Variants in PIK3CB observed in about 807,000 individuals in gnomAD.
PIK3CB encodes the protein phosphatidylinositol-4,5-bisphosphate 3-kinase catalytic subunit beta, also known as phosphatidylinositol 4,5-bisphosphate 3-kinase catalytic subunit beta isoform.
A neutral mutation model predicts 136.8 loss-of-function variants in PIK3CB; 39 were observed. That is an observed-to-expected ratio of 0.29 (90% CI 0.22 to 0.37). The LOEUF is 0.37. Among genes scored for constraint, PIK3CB ranks in the 10% least tolerant of loss-of-function variants. The probability of loss-of-function intolerance (pLI) is 1.00; values close to 1 mark genes in which losing one functional copy is unlikely to be tolerated. For missense variants in PIK3CB, 868 were observed against 1,275.4 expected, an observed-to-expected ratio of 0.68 and a Z score of 4.87; for synonymous variants, 428 against 436.6, an observed-to-expected ratio of 0.98 and a Z score of 0.25.
intron 1 of PIK3CB, among the ~76,000 whole-genome samples, chr3:138,833,876 A>C (rs1934153983): frequency 6.6e-6 from 1 of 152,216 alleles, no homozygotes; most frequent in South Asian, 2.1e-4. Flanking sequence ...ATTCCCACTC[A>C]GTACCTGAGA....
At chr3:138,785,931 A>G (rs1301961754) in intron 2 of PIK3CB, among the ~76,000 whole-genome samples, 1 of 152,194 alleles carries the variant, frequency 6.6e-6, no homozygotes, top group Non-Finnish European at 1.5e-5. Flanking sequence ...ATCCTAATGT[A>G]CATTAATAGA....
chr3:138,776,995 T>C (rs375165028), intron 2 of PIK3CB, among the ~76,000 whole-genome samples: 1 of 151,618 alleles, frequency 6.6e-6, no homozygotes, highest in African/African-American at 2.4e-5. Context: ...AAAATTGTGA[T>C]TACACGATCA....
At position 138,785,144 on chromosome 3, in the gene PIK3CB, T is replaced by TG. The variant is rs1247643008; in HGVS notation, c.-17+11318dup. On this transcript the variant is annotated intron_variant, in intron 2 of 23. Coordinates refer to ENST00000674063, the MANE Select transcript of PIK3CB (RefSeq NM_006219.3). Reference sequence around the variant, plus strand: ...CCAGCCGCCCCGTCCGGGAGGGAGATGGGGGGCAGCCCCCGCCCGGTCAGC... The same window carrying TG: ...CCAGCCGCCCCGTCCGGGAGGGAGATGGGGGGGCAGCCCCCGCCCGGTCAGC... Among the ~76,000 whole-genome samples, 7 of 146,828 alleles carry TG rather than the reference T, an allele frequency of 4.8e-5. No individual in the cohort carries two copies. The South Asian group carries it at 6.6e-4, about 14-fold the overall frequency.
At chr3:138,711,620 A>G (rs2044502402) in intron 10 of PIK3CB, among the ~76,000 whole-genome samples, 1 of 148,402 alleles carries the variant, frequency 6.7e-6, no homozygotes, top group Admixed American at 6.7e-5. Flanking sequence ...AGTCTATTTC[A>G]TTCCTAAATA....
intron 21 of PIK3CB, among the ~76,000 whole-genome samples, chr3:138,662,682 G>A (rs1438098428): frequency 8.6e-5 from 13 of 150,848 alleles, no homozygotes; most frequent in African/African-American, 1.7e-4. Flanking sequence ...CTGAGGAATC[G>A]CCACACTGAC....
chr3:138,655,209 G>A lies in PIK3CB; in HGVS notation c.*180C>T. ...GTCTTGGAAGCATTCAAAAAGCAGAGGGAATCATCGGGGATTGTTCAGATT... is the reference window on the plus strand; with the variant it reads ...GTCTTGGAAGCATTCAAAAAGCAGAAGGAATCATCGGGGATTGTTCAGATT... On this transcript the variant is annotated 3_prime_UTR_variant, in exon 24 of 24. Transcript: ENST00000674063. 1 of 595,990 alleles carries A rather than the reference G, an allele frequency of 1.7e-6. No homozygotes were observed. The highest frequency in any genetic ancestry group is 3.1e-5 in the Admixed American group (1 of 32,256). 36.9% of individuals were successfully genotyped at this position (595,990 alleles called of 1,614,324 possible).
At chr3:138,771,921 CAAAAAAAAA>C (rs60381827) in intron 2 of PIK3CB, among the ~76,000 whole-genome samples, 1 of 114,584 alleles carries the variant, frequency 8.7e-6, no homozygotes, top group African/African-American at 3.3e-5. Context: ...GACTCAGTCT[CAAAAAAAAA>C]AAAAAAAAAA....
intron 8 of PIK3CB, among the ~76,000 whole-genome samples, chr3:138,728,068 T>A (rs2044880025): frequency 6.6e-6 from 1 of 152,114 alleles, no homozygotes; most frequent in Admixed American, 6.6e-5. Flanking sequence ...CGCCTCGGCC[T>A]CCCAAAGTTC....
intron 1 of PIK3CB, among the ~76,000 whole-genome samples, chr3:138,822,495 C>T (rs1214819499): frequency 1.3e-5 from 2 of 151,948 alleles, no homozygotes; most frequent in Non-Finnish European, 2.9e-5. Flanking sequence ...AAGTTCACGA[C>T]ACTGTACTCC....
chr3:138,662,973 CA>C (rs1340187615), intron 21 of PIK3CB, among the ~76,000 whole-genome samples: 1 of 152,164 alleles, frequency 6.6e-6, no homozygotes, highest in African/African-American at 2.4e-5. Flanking sequence ...AAAACTTAGG[CA>C]TTACCATTCA....
At chr3:138,729,787 T>C (rs2044930162) in intron 8 of PIK3CB, among the ~76,000 whole-genome samples, 1 of 152,174 alleles carries the variant, frequency 6.6e-6, no homozygotes. Context: ...CAATTTCTTA[T>C]AATAAATCTT....
intron 4 of PIK3CB, among the ~76,000 whole-genome samples, chr3:138,754,297 G>A (rs991146285): frequency 2.0e-5 from 3 of 151,988 alleles, no homozygotes; most frequent in African/African-American, 7.3e-5. Flanking sequence ...AGCCAGGCAT[G>A]GTGGCTTGCA....
chr3:138,753,769 G>A (rs1341774668), intron 4 of PIK3CB, among the ~76,000 whole-genome samples: 2 of 152,006 alleles, frequency 1.3e-5, no homozygotes, highest in African/African-American at 4.8e-5. Context: ...TCGCACCACT[G>A]CACTCCAGCC....
In PIK3CB at chr3:138,766,434, T is replaced by A. The variant is rs529688175; in HGVS notation, c.-16-7075A>T. Among the ~76,000 whole-genome samples the A allele has an allele frequency of 5.3e-5, 8 of 152,332 alleles. No individual in the cohort carries two copies. The South Asian group carries it at 1.2e-3, about 24-fold the overall frequency. On this transcript the variant is annotated intron_variant, in intron 2 of 23. Coordinates refer to ENST00000674063, the MANE Select transcript of PIK3CB (RefSeq NM_006219.3). ...ATTTCACATTTTAAATGTCTTAAAA[T>A]TTTTTTAATGGCAAAATACACTGCA...
At chr3:138,736,516 A>G (rs1436130520) in intron 6 of PIK3CB, among the ~76,000 whole-genome samples, 1 of 152,230 alleles carries the variant, frequency 6.6e-6, no homozygotes, top group Non-Finnish European at 1.5e-5. Context: ...GGCACTTATA[A>G]TAATATTCCT....
At chr3:138,732,174 T>A (rs375966434) in intron 8 of PIK3CB, among the ~76,000 whole-genome samples, 2 of 152,174 alleles carry the variant, frequency 1.3e-5, no homozygotes, top group African/African-American at 4.8e-5. Context: ...ACTTTTCTTT[T>A]CTGAGGAGCG....
intron 1 of PIK3CB, among the ~76,000 whole-genome samples, chr3:138,826,811 G>A (rs539696720): frequency 6.6e-6 from 1 of 152,160 alleles, no homozygotes; most frequent in Non-Finnish European, 1.5e-5. Context: ...GCTTATGCCT[G>A]TAATCCCAGC....
chr3:138,732,133 C>A (rs1037440947), intron 8 of PIK3CB, among the ~76,000 whole-genome samples: 1 of 152,170 alleles, frequency 6.6e-6, no homozygotes, highest in African/African-American at 2.4e-5. Flanking sequence ...GCTACACAGT[C>A]AAGTAAATCA....
Position 138,653,166 on chromosome 3 carries a change from A to G in PIK3CB, c.*2223T>C, listed in dbSNP as rs949781776. 1.1e-5 allele frequency: 2 copies of G among 181,516 alleles called. No individual in the cohort carries two copies. Among genetic ancestry groups the G allele is most frequent in the African/African-American group, 4.7e-5 (2 of 42,482 alleles). 11.2% of individuals were successfully genotyped at this position (181,516 alleles called of 1,614,324 possible). A position where few individuals can be genotyped will look rare whatever the true frequency, so the allele number is the denominator to read the frequency against. ...ATTCTGGAGATGTCAATTTGTCTCA[A>G]CCTTGTCTATAGCTTAATGCAATTT... On this transcript the variant is annotated 3_prime_UTR_variant, in exon 24 of 24. Transcript: ENST00000674063.
Sources: gnomAD v4.1 joint callset for allele counts (sites outside exome capture counted in the v4.1 genomes callset) on GRCh38, gnomAD v4.1.1 for gene constraint, MANE v1.5 for transcripts, NCBI Gene and HGNC (gene_info 2026-07-23, HGNC 2026-07-21) for gene names.